The following GCFC2 variants were observed in gnomAD, a reference collection of about 807,000 sequenced individuals.
GCFC2 encodes the protein intron Large complex component GCFC2.
Under a neutral mutation model 99.4 loss-of-function variants are expected in GCFC2, and 102 were observed. The ratio of observed to expected loss-of-function variants is 1.03; its 90% CI spans 0.87 to 1.21. The LOEUF is 1.21. Among genes scored for constraint, GCFC2 ranks in the 50% most tolerant of loss-of-function variants. The pLI, the probability that GCFC2 is intolerant of heterozygous loss-of-function variation, is 0.00. For synonymous variants in GCFC2, 338 were observed against 316.8 expected (o/e 1.07, Z -0.71); for missense variants, 973 against 920.9 (o/e 1.06, Z -0.73).
At chr2:75,700,987 T>C (rs1573087754) in intron 4 of GCFC2, among the ~76,000 whole-genome samples, 1 of 152,108 alleles carries the variant, frequency 6.6e-6, no homozygotes, top group African/African-American at 2.4e-5. Flanking sequence ...TGACCAGAAG[T>C]TGCAAAAGGC....
intron 4 of GCFC2, 127 bp from the exon 5 acceptor site, chr2:75,696,442 T>G: frequency 2.0e-6 from 1 of 493,962 alleles, no homozygotes; most frequent in Middle Eastern, 4.2e-4. Context: ...TCTTTGTAAT[T>G]TTTCATGGTC....
At chr2:75,668,590 A>G (rs1265317886) in intron 15 of GCFC2, among the ~76,000 whole-genome samples, 1 of 152,158 alleles carries the variant, frequency 6.6e-6, no homozygotes, top group Non-Finnish European at 1.5e-5. Context: ...AAAATTCTTC[A>G]AAAACATAAC....
chr2:75,709,718 A>C (rs1262356088), intron 1 of GCFC2, among the ~76,000 whole-genome samples: 1 of 152,234 alleles, frequency 6.6e-6, no homozygotes, highest in Non-Finnish European at 1.5e-5. Flanking sequence ...AAAAAAAAGT[A>C]AGTACCTAAG....
intron 3 of GCFC2, chr2:75,701,835 T>A (rs758738366): frequency 5.9e-5 from 57 of 971,338 alleles, no homozygotes; most frequent in Non-Finnish European, 6.4e-5. Flanking sequence ...CAGGGAAGAT[T>A]TTAATACATG....
chr2:75,692,371 G>T (rs1378181256), intron 6 of GCFC2, among the ~76,000 whole-genome samples: 1 of 112,456 alleles, frequency 8.9e-6, no homozygotes, highest in Admixed American at 8.3e-5. Context: ...CTAAATGGGG[G>T]CCAGGATGTG....
upstream of GCFC2, chr2:75,711,060 T>C (rs1412753218): frequency 1.5e-6 from 2 of 1,314,246 alleles, no homozygotes; most frequent in Non-Finnish European, 1.9e-6. Context: ...TTCTGGGGCC[T>C]GAGTTTGCAA....
rs374711307 is a variant in GCFC2, at chr2:75,694,402, G to A, written c.859C>T (p.Arg287Cys). 2.2e-5 allele frequency: 32 copies of A among 1,435,118 alleles called. No individual in the cohort carries two copies. The highest frequency in any genetic ancestry group is 8.7e-5 in the African/African-American group (6 of 69,216). The allele number at this position is 1,435,118 out of a possible 1,614,324, so 88.9% of individuals were successfully genotyped here. Residue 287 changes from arginine (R) to cysteine (C), a missense_variant, in exon 6 of 17, where the codon CGC (arginine) becomes TGC (cysteine). Coordinates refer to ENST00000321027, the MANE Select transcript of GCFC2 (RefSeq NM_003203.5). ...TTTTCATACTCCCTCAGGTGTGAGC[G>A]GTGAGTTTCCTGTAGTAATGTTAAT... ...TRLTLLQETHRSHLREYEKYV... is the reference protein window; with the variant it reads ...TRLTLLQETHCSHLREYEKYV...
chr2:75,684,020 A>T (rs1679705110), intron 11 of GCFC2, among the ~76,000 whole-genome samples: 1 of 152,144 alleles, frequency 6.6e-6, no homozygotes, highest in Non-Finnish European at 1.5e-5. Context: ...ACTCCCACAC[A>T]ATAATAGTGG....
intron 11 of GCFC2, among the ~76,000 whole-genome samples, chr2:75,683,393 C>T (rs888132900): frequency 3.3e-5 from 5 of 151,754 alleles, no homozygotes; most frequent in African/African-American, 9.7e-5. Flanking sequence ...CAAGCAAATG[C>T]TGAGAGATTT....
At position 75,696,263 on chromosome 2, in the gene GCFC2, A is replaced by C. The variant is rs1231097913; in HGVS notation, c.770T>G (p.Phe257Cys). The change falls in exon 5 of 17, where the codon TTT (phenylalanine) becomes TGT (cysteine). Residue 257 changes from phenylalanine (F) to cysteine (C), a missense_variant. Phe to Cys is a radical substitution (Grantham distance 205). Transcript: ENST00000321027. ...CGNGSSKVKK[F>C]DTSISFPPVN... ...TGGCGGAAATGAAATGGAAGTATCA[A>C]ATTTCTTCACTTTTGAAGATCCATT... 1.3e-6 allele frequency: 2 copies of C among 1,522,498 alleles called. No individual in the cohort carries two copies. The highest frequency in any genetic ancestry group is 2.3e-5 in the South Asian group (2 of 88,790). The allele number at this position is 1,522,498 out of a possible 1,614,324, so 94.3% of individuals were successfully genotyped here.
At position 75,664,736 on chromosome 2, in the gene GCFC2, A is replaced by G. The variant is rs1372406861; in HGVS notation, c.2276T>C (p.Leu759Ser). ...TCCTATGAAGGATTCTGCTTGATTCAAAGCTTTTATTTTCACCAAAATAAG... is the reference window on the plus strand; with the variant it reads ...TCCTATGAAGGATTCTGCTTGATTCGAAGCTTTTATTTTCACCAAAATAAG... Reference protein sequence around the residue: ...IILILVKIKALNQAESFIGEH... With the variant: ...IILILVKIKASNQAESFIGEH... Residue 759 changes from leucine to serine, a missense_variant, in exon 17 of 17, where the codon TTG becomes TCG. By Grantham distance (145) the Leu-to-Ser change is moderately radical (BLOSUM62 -2). Coordinates refer to ENST00000321027, the MANE Select transcript of GCFC2 (RefSeq NM_003203.5). 7 of 1,575,268 alleles carry G rather than the reference A, an allele frequency of 4.4e-6. No individual in the cohort carries two copies. Among genetic ancestry groups the G allele is most frequent in the Non-Finnish European group, 6.1e-6 (7 of 1,145,982 alleles).
At chr2:75,709,874 T>C (rs773975311) in intron 1 of GCFC2, among the ~76,000 whole-genome samples, 5 of 152,238 alleles carry the variant, frequency 3.3e-5, no homozygotes, top group Non-Finnish European at 5.9e-5. Flanking sequence ...AGGAAGATTT[T>C]AGCTCTCAAG....
intron 11 of GCFC2, among the ~76,000 whole-genome samples, chr2:75,683,771 C>CAAAAAAAAAAGAAAAAA (rs1679684374): frequency 1.7e-5 from 1 of 60,424 alleles, no homozygotes; most frequent in East Asian, 5.7e-4. Context: ...AAATGGAAAG[C>CAAAAAAAAAAGAAAAAA]AAAAAAAAAA....
At chr2:75,664,822 T>C (rs541534133) in intron 16 of GCFC2, 39 bp from the exon 17 acceptor site, 9 of 918,840 alleles carry the variant, frequency 9.8e-6, no homozygotes, top group East Asian at 9.6e-5. Context: ...AAAAATGCAA[T>C]GTATGAGGGA....
At chr2:75,700,136 A>T (rs1680517290) in intron 4 of GCFC2, among the ~76,000 whole-genome samples, 1 of 151,966 alleles carries the variant, frequency 6.6e-6, no homozygotes, top group African/African-American at 2.4e-5. Context: ...TACTCAAGTG[A>T]TCCACCTGAC....
chr2:75,688,470 T>G (rs1013906447), intron 10 of GCFC2, among the ~76,000 whole-genome samples: 3 of 152,218 alleles, frequency 2.0e-5, no homozygotes, highest in Non-Finnish European at 4.4e-5. Context: ...TTCTTTTTTT[T>G]TCTTTTAGTC....
intron 1 of GCFC2, among the ~76,000 whole-genome samples, chr2:75,709,356 A>G (rs183956479): frequency 1.3e-5 from 2 of 152,374 alleles, no homozygotes; most frequent in Admixed American, 1.3e-4. Context: ...ATAAAAGGTC[A>G]TGAAAACTTT....
chr2:75,711,653 G>A (rs1681188635), upstream of GCFC2, among the ~76,000 whole-genome samples: 1 of 152,220 alleles, frequency 6.6e-6, no homozygotes, highest in African/African-American at 2.4e-5. Context: ...TGGGCTTGGC[G>A]GGCCTGCACT....
In GCFC2 at chr2:75,706,549, A is replaced by G; in HGVS notation, c.368T>C (p.Leu123Pro). 1 of 1,599,472 alleles carries G rather than the reference A, an allele frequency of 6.3e-7. No individual in the cohort carries two copies. The highest frequency in any genetic ancestry group is 1.1e-5 in the South Asian group (1 of 88,948). Residue 123 changes from leucine to proline, a missense_variant, in exon 2 of 17, where the codon CTT becomes CCT. By Grantham distance (98) the Leu-to-Pro change is moderately conservative. Transcript: ENST00000321027. Reference protein sequence around the residue: ...QGLSSDSSSSLGEKELSSTVK... With the variant: ...QGLSSDSSSSPGEKELSSTVK... ...TGTTGATGAAAGTTCTTTTTCTCCA[A>G]GAGAGCTAGAACTGTCAGAAGACAA...
Sources: gnomAD v4.1 joint callset for allele counts (sites outside exome capture counted in the v4.1 genomes callset) on GRCh38, gnomAD v4.1.1 for gene constraint, MANE v1.5 for transcripts, NCBI Gene and HGNC (gene_info 2026-07-23, HGNC 2026-07-21) for gene names.